The following ARMC6 variants were observed in gnomAD, a reference collection of about 807,000 sequenced individuals.
The protein encoded by ARMC6 is armadillo repeat containing 6, also known as armadillo repeat-containing protein 6.
In ARMC6, 43 loss-of-function variants were observed where a neutral mutation model predicts 49.2. The ratio of observed to expected loss-of-function variants is 0.87; its 90% CI spans 0.69 to 1.13. The LOEUF is 1.13. ARMC6 is among the 50% of genes most tolerant of loss of function. ARMC6 has a pLI of 0.00. For missense variants in ARMC6, 627 were observed against 682.0 expected, an observed-to-expected ratio of 0.92 and a Z score of 0.90; for synonymous variants, 262 against 289.6, an observed-to-expected ratio of 0.90 and a Z score of 0.97.
At chr19:19,037,101 C>T (rs1357417344) in intron 2 of ARMC6, among the ~76,000 whole-genome samples, 2 of 152,316 alleles carry the variant, frequency 1.3e-5, no homozygotes, top group Admixed American at 6.5e-5. Flanking sequence ...ACAAGAATCG[C>T]TTGAACCCAG....
At chr19:19,051,427 C>A (rs534303656) in intron 4 of ARMC6, among the ~76,000 whole-genome samples, 195 bp from the exon 5 acceptor site, 148 of 145,610 alleles carry the variant, frequency 1.0e-3, no homozygotes, top group South Asian at 1.5e-3. Context: ...CAGTCTTCCA[C>A]GCTATGGCCT....
intron 4 of ARMC6, among the ~76,000 whole-genome samples, chr19:19,048,268 C>A (rs2059467478): frequency 6.6e-6 from 1 of 152,106 alleles, no homozygotes; most frequent in Non-Finnish European, 1.5e-5. Context: ...ATTGCTTGAA[C>A]CCGGGAGGCA....
chr19:19,056,036 G>C (rs988650707), intron 8 of ARMC6, 108 bp downstream of exon 8: 13 of 1,335,016 alleles, frequency 9.7e-6, no homozygotes, highest in South Asian at 2.9e-5. Context: ...TGGGGCAAAG[G>C]CTCAGTCCCT....
At position 19,034,340 on chromosome 19, in the gene ARMC6, T is replaced by C. The variant is rs1247884951; in HGVS notation, c.29+102T>C. The C allele has an allele frequency of 1.3e-5, 19 of 1,418,986 alleles. No homozygotes were observed. The East Asian group carries it at 3.7e-4, about 28-fold the overall frequency. 87.9% of individuals were successfully genotyped at this position (1,418,986 alleles called of 1,614,324 possible). A position where few individuals can be genotyped will look rare whatever the true frequency, so the allele number is the denominator to read the frequency against. ...GCTGTCTCTTGAGTGCTGGGAAGGA[T>C]GAGAAAGGCGGGGAAGAGGAACTTG... On this transcript the variant is annotated intron_variant, in intron 2 of 8. Transcript: ENST00000535612.
intron 2 of ARMC6, among the ~76,000 whole-genome samples, chr19:19,035,244 G>C (rs1015139693): frequency 2.6e-5 from 4 of 152,116 alleles, no homozygotes; most frequent in African/African-American, 9.7e-5. Context: ...GACCTCAAGT[G>C]ATCTACCCGC....
At chr19:19,040,728 A>C (rs2059405509) in intron 2 of ARMC6, 1 of 440,972 alleles carries the variant, frequency 2.3e-6, no homozygotes, top group African/African-American at 2.1e-5. Context: ...GGCTCACTGC[A>C]ACCTCCGCCT....
Position 19,034,247 on chromosome 19 carries a change from G to T in ARMC6, c.29+9G>T, listed in dbSNP as rs746616117. 12 of 1,593,822 alleles carry T rather than the reference G, an allele frequency of 7.5e-6. No individual in the cohort carries two copies. The highest frequency in any genetic ancestry group is 1.0e-5 in the Non-Finnish European group (12 of 1,177,914). Reference sequence around the variant, plus strand: ...TGTTGCTCTAGATACAGGTAATGGTGTGCAAATAATAACAGAGTGATGGGA... The same window carrying T: ...TGTTGCTCTAGATACAGGTAATGGTTTGCAAATAATAACAGAGTGATGGGA... On this transcript the variant is annotated intron_variant, in intron 2 of 8. Transcript: ENST00000535612.
intron 5 of ARMC6, 33 bp downstream of exon 5, chr19:19,052,228 C>T (rs765644737): frequency 3.2e-6 from 5 of 1,543,744 alleles, no homozygotes; most frequent in Middle Eastern, 1.7e-4. Flanking sequence ...AGCCAGCGAA[C>T]AAAGTGGGCG....
intron 2 of ARMC6, among the ~76,000 whole-genome samples, chr19:19,034,954 T>A (rs1213187724): frequency 6.8e-6 from 1 of 147,280 alleles, no homozygotes; most frequent in African/African-American, 2.5e-5. Flanking sequence ...CTCCGTCTCC[T>A]GGGTTCAGGC....
At chr19:19,036,750 A>G (rs2059372250) in intron 2 of ARMC6, among the ~76,000 whole-genome samples, 1 of 152,238 alleles carries the variant, frequency 6.6e-6, no homozygotes, top group African/African-American at 2.4e-5. Context: ...CTTAAGCAAC[A>G]AAGGAAAGGA....
At chr19:19,047,321 G>T (rs1367878374) in intron 4 of ARMC6, among the ~76,000 whole-genome samples, 2 of 152,132 alleles carry the variant, frequency 1.3e-5, no homozygotes, top group Non-Finnish European at 2.9e-5. Context: ...ATTGACCTTT[G>T]TGCATCTTGG....
At chr19:19,052,573 C>T (rs1264588482) in intron 5 of ARMC6, among the ~76,000 whole-genome samples, 6 of 152,148 alleles carry the variant, frequency 3.9e-5, no homozygotes, top group African/African-American at 1.4e-4. Flanking sequence ...GATGTGTACA[C>T]GCTTGATCAT....
At chr19:19,044,107 C>A in intron 4 of ARMC6, 33 bp downstream of exon 4, 1 of 1,587,026 alleles carries the variant, frequency 6.3e-7, no homozygotes, top group Non-Finnish European at 8.7e-7. Context: ...GCAGGTCCTG[C>A]GTCACCTCTG....
rs759753979 is a variant in ARMC6, at chr19:19,042,718, G to C, written c.37G>C (p.Ala13Pro). 1 of 1,612,688 alleles carries C rather than the reference G, an allele frequency of 6.2e-7. No individual in the cohort carries two copies. The highest frequency in any genetic ancestry group is 1.1e-5 in the South Asian group (1 of 91,080). ...ERCCSRYSSG[A>P]SIGCTPTSTQ... is the part of the protein sequence containing the mutation. The stretch of plus-strand genomic sequence containing the variant: ...TTTGCCCTAACCTCTCAGCTCAGGA[G>C]CATCTATCGGCTGCACGCCAACATC... Residue 13 changes from alanine (A) to proline (P), a missense_variant, in exon 3 of 9, where the codon GCA becomes CCA. Ala to Pro is a conservative substitution (Grantham distance 27). Transcript: ENST00000535612.
chr19:19,036,630 A>C (rs1000956401), intron 2 of ARMC6, among the ~76,000 whole-genome samples: 18 of 152,182 alleles, frequency 1.2e-4, no homozygotes, highest in African/African-American at 2.9e-4. Context: ...TTAACCTTGG[A>C]AATCCATAGC....
intron 4 of ARMC6, among the ~76,000 whole-genome samples, chr19:19,048,624 A>T (rs1455350616): frequency 6.6e-6 from 1 of 152,158 alleles, no homozygotes; most frequent in African/African-American, 2.4e-5. Flanking sequence ...AGGGTTTATC[A>T]AGGAAGCCTC....
chr19:19,052,236 G>C, intron 5 of ARMC6, 41 bp downstream of exon 5: 1 of 1,532,306 alleles, frequency 6.5e-7, no homozygotes, highest in Non-Finnish European at 8.8e-7. Flanking sequence ...AACAAAGTGG[G>C]CGGGTCAGAT....
Position 19,033,661 on chromosome 19 carries a change from G to T in ARMC6, c.-349G>T. Reference sequence around the variant, plus strand: ...GCTTCTTCTGGGCGGACGCTCTGGAGGCAAAACATTTCCCTGCTGGGGGCG... The same window carrying T: ...GCTTCTTCTGGGCGGACGCTCTGGATGCAAAACATTTCCCTGCTGGGGGCG... On this transcript the variant is annotated 5_prime_UTR_variant, in exon 1 of 9. It adds an upstream start codon to the 5' untranslated region. Transcript: ENST00000535612. The T allele has an allele frequency of 2.6e-6, 2 of 758,704 alleles. No individual in the cohort carries two copies. The highest frequency in any genetic ancestry group is 1.7e-6 in the Non-Finnish European group (1 of 581,254). The allele number at this position is 758,704 out of a possible 1,614,324, so 47.0% of individuals were successfully genotyped here.
At chr19:19,034,053 A>T in intron 1 of ARMC6, 78 bp from the exon 2 acceptor site, 1 of 612,474 alleles carries the variant, frequency 1.6e-6, no homozygotes, top group Non-Finnish European at 2.9e-6. Flanking sequence ...AAAGAATTTT[A>T]CAGAAGCCGC....
Sources: allele counts gnomAD v4.1 joint callset (sites outside exome capture counted in the v4.1 genomes callset), GRCh38; gene constraint gnomAD v4.1.1; transcripts MANE v1.5; gene names NCBI Gene and HGNC (gene_info 2026-07-23, HGNC 2026-07-21).